Variants in BDP1 observed in about 807,000 individuals in gnomAD.
BDP1 encodes transcription factor TFIIIB component B'' homolog.
In BDP1, 169 loss-of-function variants were observed where a neutral mutation model predicts 266.6. That is an observed-to-expected ratio of 0.63 (90% confidence interval 0.56 to 0.72). The LOEUF (loss-of-function observed/expected upper bound fraction) is 0.72. Ranked by LOEUF, BDP1 falls within the 30% of genes least tolerant of loss-of-function variation. BDP1 has a pLI of 0.00. For synonymous variants in BDP1, 1,090 were observed against 1,022.4 expected (o/e 1.07, Z -1.26); for missense variants, 3,015 against 3,053.8 (o/e 0.99, Z 0.30).
chr5:71,527,444 C>A (rs1027487490), intron 25 of BDP1, among the ~76,000 whole-genome samples: 9 of 152,210 alleles, frequency 5.9e-5, no homozygotes, highest in Admixed American at 2.6e-4. Context: ...CTCCCACCCC[C>A]TAACCTTTTG....
At chr5:71,544,792 A>G (rs987762125) in intron 31 of BDP1, among the ~76,000 whole-genome samples, 1 of 144,268 alleles carries the variant, frequency 6.9e-6, no homozygotes, top group African/African-American at 2.6e-5. Context: ...AGGCAGGAGA[A>G]TCGTGTGAAC....
chr5:71,573,526 C>T, the BDP1 span, among the ~76,000 whole-genome samples: 67,490 of 152,034 alleles, frequency 0.44, 15,383 homozygotes, highest in South Asian at 0.55. Flanking sequence ...TAAGTAAGGG[C>T]GTACAGAGCC....
chr5:71,530,037 C>T (rs1766135879), intron 25 of BDP1, among the ~76,000 whole-genome samples: 1 of 152,132 alleles, frequency 6.6e-6, no homozygotes, highest in Non-Finnish European at 1.5e-5. Context: ...GAATTGTACA[C>T]CTTAAGTGGG....
At chr5:71,500,445 C>A (rs1764166843) in intron 13 of BDP1, among the ~76,000 whole-genome samples, 1 of 151,280 alleles carries the variant, frequency 6.6e-6, no homozygotes, top group Non-Finnish European at 1.5e-5. Context: ...CTGCCCTCAG[C>A]CTCCTGAGTG....
chr5:71,467,550 A>G, intron 6 of BDP1, 63 bp downstream of exon 6: 1 of 1,382,912 alleles, frequency 7.2e-7, no homozygotes, highest in East Asian at 2.3e-5. Flanking sequence ...CTGTTTCTGA[A>G]TTAAATCAGT....
chr5:71,483,119 A>T (rs1347151458), intron 7 of BDP1, among the ~76,000 whole-genome samples: 1 of 152,184 alleles, frequency 6.6e-6, no homozygotes, highest in African/African-American at 2.4e-5. Flanking sequence ...GCAATTAAAA[A>T]GCTTTATTTT....
At chr5:71,502,994 T>C (rs1381257791) in intron 15 of BDP1, among the ~76,000 whole-genome samples, 1 of 147,634 alleles carries the variant, frequency 6.8e-6, no homozygotes. Flanking sequence ...GTTCAAGTGA[T>C]TCTCCTGCCT....
At chr5:71,527,846 C>G (rs1765984350) in intron 25 of BDP1, among the ~76,000 whole-genome samples, 1 of 143,380 alleles carries the variant, frequency 7.0e-6, no homozygotes, top group African/African-American at 2.6e-5. Context: ...GAGATGGAGT[C>G]TCTGTTGCCT....
intron 2 of BDP1, 44 bp downstream of exon 2, chr5:71,458,899 G>T: frequency 6.4e-7 from 1 of 1,551,872 alleles, no homozygotes; most frequent in Non-Finnish European, 8.7e-7. Flanking sequence ...TTCTATTTAT[G>T]TTAGTAAGGA....
the BDP1 span, among the ~76,000 whole-genome samples, chr5:71,577,759 GCAC>G: frequency 5.0e-3 from 758 of 152,124 alleles, 5 homozygotes; most frequent in African/African-American, 0.017. Context: ...CCTATCTAAA[GCAC>G]CACATTAACA....
At chr5:71,495,453 G>C in intron 12 of BDP1, 45 bp downstream of exon 12, 1 of 1,349,672 alleles carries the variant, frequency 7.4e-7, no homozygotes, top group Non-Finnish European at 1.0e-6. Flanking sequence ...ATTTTGATAA[G>C]GTTCTTAAAT....
intron 16 of BDP1, among the ~76,000 whole-genome samples, chr5:71,506,812 CACACACACACA>C (rs1764609418): frequency 2.1e-5 from 3 of 141,854 alleles, no homozygotes; most frequent in Non-Finnish European, 4.6e-5. Flanking sequence ...CACACACACA[CACACACACACA>C]CCCATATTTT....
At chr5:71,519,654 G>A (rs141549398) in intron 22 of BDP1, among the ~76,000 whole-genome samples, 1 of 152,178 alleles carries the variant, frequency 6.6e-6, no homozygotes. Flanking sequence ...TCTTTTTTAT[G>A]GTTAAATAAT....
At chr5:71,570,992 T>C (rs980617000), downstream of BDP1, among the ~76,000 whole-genome samples, 1 of 152,050 alleles carries the variant, frequency 6.6e-6, no homozygotes, top group African/African-American at 2.4e-5. Context: ...AACATAAAAA[T>C]AACAATACAA....
At chr5:71,487,723 C>T (rs1763352455) in intron 9 of BDP1, among the ~76,000 whole-genome samples, 1 of 152,202 alleles carries the variant, frequency 6.6e-6, no homozygotes, top group Non-Finnish European at 1.5e-5. Context: ...ACTAAGGATT[C>T]AGCATCCTCT....
chr5:71,502,192 T>TG (rs1764287502), intron 14 of BDP1, among the ~76,000 whole-genome samples: 1 of 149,156 alleles, frequency 6.7e-6, no homozygotes, highest in African/African-American at 2.4e-5. Flanking sequence ...TCTCTCTCTT[T>TG]TTTTTTTTTT....
chr5:71,481,250 T>G (rs1182499774), intron 7 of BDP1, among the ~76,000 whole-genome samples: 1 of 151,730 alleles, frequency 6.6e-6, no homozygotes, highest in Non-Finnish European at 1.5e-5. Flanking sequence ...TTTTTTCTTT[T>G]TTTTTTTAAA....
rs1743551769 is a variant in BDP1 at position 71,560,358 on chromosome 5, A to G, written c.7496+121A>G. ...TAATAAACATATTCCTCCATCAGTA[A>G]TGTAAAGGAAAAAGTTTCAGCCAAG... On this transcript the variant is annotated intron_variant, in intron 37 of 38. Transcript: ENST00000358731. 2.7e-6 allele frequency: 3 copies of G among 1,099,288 alleles called. No homozygotes were observed. In the South Asian group the frequency reaches 5.6e-5, roughly 21 times the overall value. The allele number at this position is 1,099,288 out of a possible 1,614,324, so 68.1% of individuals were successfully genotyped here. A position where few individuals can be genotyped will look rare whatever the true frequency, so the allele number is the denominator to read the frequency against.
intron 27 of BDP1, 34 bp from the exon 28 acceptor site, chr5:71,539,523 T>C (rs754341334): frequency 7.2e-6 from 11 of 1,520,974 alleles, no homozygotes; most frequent in Non-Finnish European, 9.1e-6. Flanking sequence ...CCGGATTCAT[T>C]CTTTTTTTTA....
Sources: allele counts gnomAD v4.1 joint callset (sites outside exome capture counted in the v4.1 genomes callset), GRCh38; gene constraint gnomAD v4.1.1; transcripts MANE v1.5; gene names NCBI Gene and HGNC (gene_info 2026-07-23, HGNC 2026-07-21).